LY96: variants seen among roughly 807,000 people sequenced by gnomAD.
LY96 encodes myeloid differentiation protein-2.
A neutral mutation model predicts 18.9 loss-of-function variants in LY96; 18 were observed. The ratio of observed to expected loss-of-function variants is 0.95; its 90% CI spans 0.66 to 1.41. The LOEUF is 1.41. LY96 is among the 40% of genes most tolerant of loss of function. The pLI is 0.00. For missense variants in LY96, 175 were observed against 182.4 expected (o/e 0.96, Z 0.23); for synonymous variants, 66 against 62.6 (o/e 1.06, Z -0.26).
At chr8:74,034,068 G>C (rs947820348), downstream of LY96, among the ~76,000 whole-genome samples, 1 of 152,102 alleles carries the variant, frequency 6.6e-6, no homozygotes, top group Non-Finnish European at 1.5e-5. Context: ...CACATACATT[G>C]GTCTTACTAT....
the LY96 span, among the ~76,000 whole-genome samples, chr8:74,078,021 T>C: frequency 6.6e-6 from 1 of 151,964 alleles, no homozygotes; most frequent in South Asian, 2.1e-4. Flanking sequence ...GATGGAGGGA[T>C]TGCTTGAGCC....
At chr8:74,072,470 T>G in the LY96 span, among the ~76,000 whole-genome samples, 1 of 152,338 alleles carries the variant, frequency 6.6e-6, no homozygotes, top group African/African-American at 2.4e-5. Flanking sequence ...TAATTATTAG[T>G]CCTCTGTTGT....
At chr8:74,022,859 G>A (rs929101940) in intron 3 of LY96, among the ~76,000 whole-genome samples, 48 of 152,050 alleles carry the variant, frequency 3.2e-4, no homozygotes, top group African/African-American at 1.1e-3. Context: ...GATTACAGGC[G>A]TGAGCCACTG....
At chr8:74,078,117 A>G in the LY96 span, among the ~76,000 whole-genome samples, 8,165 of 152,052 alleles carry the variant, frequency 0.054, 695 homozygotes, top group African/African-American at 0.18. Flanking sequence ...CAATAAAAAA[A>G]AAAAAAAAAG....
chr8:74,051,537 G>A, the LY96 span, among the ~76,000 whole-genome samples: 655 of 152,242 alleles, frequency 4.3e-3, 3 homozygotes, highest in African/African-American at 0.015. Context: ...TGGACTGAAT[G>A]TACCCCCAAA....
chr8:74,002,189 TGC>T (rs1816311579), intron 1 of LY96, among the ~76,000 whole-genome samples: 3 of 149,994 alleles, frequency 2.0e-5, no homozygotes, highest in African/African-American at 7.4e-5. Flanking sequence ...CAGGCTGGAG[TGC>T]AGTGGCGTGA....
chr8:74,037,502 C>T, the LY96 span, among the ~76,000 whole-genome samples: 31 of 152,114 alleles, frequency 2.0e-4, no homozygotes, highest in Admixed American at 2.6e-4. Flanking sequence ...CATCGCAGCA[C>T]CTGCCTGTAG....
Position 73,991,557 on chromosome 8 carries a change from A to G in LY96, c.112+3A>G. The G allele has an allele frequency of 6.5e-7, 1 of 1,534,690 alleles. No individual in the cohort carries two copies. The highest frequency in any genetic ancestry group is 9.0e-7 in the Non-Finnish European group (1 of 1,107,854). The stretch of plus-strand genomic sequence containing the variant: ...AAGTATTTCATACACCTACTGTGGT[A>G]AGTAAAACCGCAAAACAAATAATTG... On this transcript the variant is annotated splice_donor_region_variant and intron_variant, in intron 1 of 4. Coordinates refer to ENST00000284818, the MANE Select transcript of LY96 (RefSeq NM_015364.5).
chr8:74,072,893 A>G, the LY96 span, among the ~76,000 whole-genome samples: 1 of 152,198 alleles, frequency 6.6e-6, no homozygotes, highest in African/African-American at 2.4e-5. Context: ...GGGTCCAACC[A>G]GGGGAGCAGA....
chr8:73,996,380 T>C (rs1209652888), intron 1 of LY96, among the ~76,000 whole-genome samples: 1,004 of 23,238 alleles, frequency 0.043, 14 homozygotes, highest in South Asian at 0.061. Flanking sequence ...TTCCTTTCTT[T>C]CTTTCTTTCT....
At chr8:74,027,137 A>G (rs901005870) in intron 4 of LY96, among the ~76,000 whole-genome samples, 1 of 151,896 alleles carries the variant, frequency 6.6e-6, no homozygotes, top group Non-Finnish European at 1.5e-5. Context: ...ACGCGGTTTC[A>G]CCATGTTGCC....
At chr8:73,991,883 C>T (rs1020607060) in intron 1 of LY96, among the ~76,000 whole-genome samples, 10 of 151,882 alleles carry the variant, frequency 6.6e-5, no homozygotes, top group African/African-American at 2.2e-4. Flanking sequence ...TCACCTCAGC[C>T]TTGACACTTA....
intron 1 of LY96, among the ~76,000 whole-genome samples, chr8:74,002,606 C>CTTTTTTTTTTTT (rs1816320283): frequency 7.4e-6 from 1 of 134,718 alleles, no homozygotes; most frequent in Non-Finnish European, 1.6e-5. Context: ...GAGTCTTGTT[C>CTTTTTTTTTTTT]TGTTGCCCAG....
intron 3 of LY96, 151 bp from the exon 4 acceptor site, chr8:74,026,638 A>G: frequency 1.6e-6 from 1 of 629,746 alleles, no homozygotes; most frequent in Non-Finnish European, 3.0e-6. Context: ...CCACAGGAGA[A>G]TAGCAGCCAG....
At chr8:74,094,110 AC>A in the LY96 span, among the ~76,000 whole-genome samples, 1 of 152,122 alleles carries the variant, frequency 6.6e-6, no homozygotes, top group South Asian at 2.1e-4. Context: ...CTTATTGTGC[AC>A]CAAAAGAAAG....
the LY96 span, among the ~76,000 whole-genome samples, chr8:74,038,310 T>G: frequency 6.6e-6 from 1 of 152,140 alleles, no homozygotes; most frequent in Non-Finnish European, 1.5e-5. Flanking sequence ...ACTATTTTTT[T>G]TGTACCCATT....
At chr8:74,096,111 T>C in the LY96 span, among the ~76,000 whole-genome samples, 2 of 152,218 alleles carry the variant, frequency 1.3e-5, no homozygotes, top group Admixed American at 6.5e-5. Flanking sequence ...ATATCTGGAA[T>C]CTCGTTACCA....
At chr8:74,000,278 G>GTGT (rs79664747) in intron 1 of LY96, among the ~76,000 whole-genome samples, 37,407 of 151,676 alleles carry the variant, frequency 0.25, 4,799 homozygotes, top group South Asian at 0.3. Flanking sequence ...CTACCAGATA[G>GTGT]AGTAGATCCT....
chr8:74,069,605 T>C, the LY96 span, among the ~76,000 whole-genome samples: 1 of 152,168 alleles, frequency 6.6e-6, no homozygotes, highest in Non-Finnish European at 1.5e-5. Flanking sequence ...TATTTATTTT[T>C]ATTTGTTTGT....
Sources: allele counts gnomAD v4.1 joint callset (sites outside exome capture counted in the v4.1 genomes callset), GRCh38; gene constraint gnomAD v4.1.1; transcripts MANE v1.5; gene names NCBI Gene and HGNC (gene_info 2026-07-23, HGNC 2026-07-21).